Variants in ANKIB1 observed in about 807,000 individuals in gnomAD.
The protein encoded by ANKIB1 is ankyrin repeat and IBR domain containing 1.
In ANKIB1, 43 loss-of-function variants were observed where a neutral mutation model predicts 122.1. That is an observed-to-expected ratio of 0.35 (90% CI 0.28 to 0.45). ANKIB1 has a LOEUF of 0.45. Among genes scored for constraint, ANKIB1 ranks in the 20% least tolerant of loss-of-function variants. The pLI, the probability that ANKIB1 is intolerant of heterozygous loss-of-function variation, is 1.00. For synonymous variants in ANKIB1, 390 were observed against 442.0 expected (o/e 0.88, Z 1.48); for missense variants, 992 against 1,329.5 (o/e 0.75, Z 3.95).
intron 5 of ANKIB1, among the ~76,000 whole-genome samples, chr7:92,333,352 C>T (rs758347586): frequency 2.6e-5 from 4 of 152,172 alleles, no homozygotes; most frequent in Non-Finnish European, 4.4e-5. Flanking sequence ...GCTATAGCTA[C>T]ACTGACCTTT....
intron 4 of ANKIB1, among the ~76,000 whole-genome samples, chr7:92,322,857 A>AGCCAGACTGGG (rs1802942698): frequency 6.6e-6 from 1 of 152,166 alleles, no homozygotes; most frequent in Non-Finnish European, 1.5e-5. Flanking sequence ...CAGATTCTAG[A>AGCCAGACTGGG]GCCAGACTGA....
At chr7:92,378,480 CAAAAAAAA>C (rs146294657) in intron 11 of ANKIB1, among the ~76,000 whole-genome samples, 6 of 80,386 alleles carry the variant, frequency 7.5e-5, no homozygotes, top group Non-Finnish European at 1.5e-4. Flanking sequence ...AGCTATTTGA[CAAAAAAAA>C]AAAAAAAAAT....
intron 1 of ANKIB1, among the ~76,000 whole-genome samples, chr7:92,253,081 A>G (rs1023435917): frequency 6.6e-6 from 1 of 152,180 alleles, no homozygotes; most frequent in African/African-American, 2.4e-5. Context: ...ACTCATGTAC[A>G]TACATAATTA....
chr7:92,341,684 T>TG (rs1803443771), intron 5 of ANKIB1, among the ~76,000 whole-genome samples: 1 of 152,214 alleles, frequency 6.6e-6, no homozygotes, highest in Non-Finnish European at 1.5e-5. Context: ...TCTACCTATG[T>TG]AAAATAATCA....
At chr7:92,287,307 T>G (rs1802151019) in intron 1 of ANKIB1, among the ~76,000 whole-genome samples, 4 of 152,262 alleles carry the variant, frequency 2.6e-5, no homozygotes, top group Admixed American at 2.6e-4. Context: ...TTCATTCTCC[T>G]TAGTCTCCTT....
chr7:92,338,764 T>A (rs1039579742), intron 5 of ANKIB1, among the ~76,000 whole-genome samples: 2 of 148,770 alleles, frequency 1.3e-5, no homozygotes, highest in Non-Finnish European at 3.0e-5. Flanking sequence ...ATACAAAAAT[T>A]AGCTGGGCGT....
chr7:92,360,842 GTCT>G (rs113107513), intron 9 of ANKIB1, among the ~76,000 whole-genome samples: 14,481 of 152,082 alleles, frequency 0.095, 887 homozygotes, highest in East Asian at 0.36. Flanking sequence ...CAGTTGGTGT[GTCT>G]TCTTAACACA....
At chr7:92,264,269 A>T (rs1189905703) in intron 1 of ANKIB1, among the ~76,000 whole-genome samples, 1 of 151,870 alleles carries the variant, frequency 6.6e-6, no homozygotes. Flanking sequence ...AAAATAAGAA[A>T]TTTTACAATT....
intron 9 of ANKIB1, among the ~76,000 whole-genome samples, chr7:92,352,912 T>G (rs987751044): frequency 2.0e-5 from 3 of 152,196 alleles, no homozygotes; most frequent in African/African-American, 7.2e-5. Context: ...ATAAACAAAC[T>G]CAGGCACAGA....
At chr7:92,338,410 C>G (rs949003378) in intron 5 of ANKIB1, among the ~76,000 whole-genome samples, 1 of 144,950 alleles carries the variant, frequency 6.9e-6, no homozygotes, top group Non-Finnish European at 1.5e-5. Context: ...CAGAGCTAGA[C>G]TTTGCCTCAA....
At chr7:92,387,555 G>A (rs1409144555) in intron 12 of ANKIB1, among the ~76,000 whole-genome samples, 1 of 151,746 alleles carries the variant, frequency 6.6e-6, no homozygotes, top group African/African-American at 2.4e-5. Context: ...AAAATCAGTT[G>A]AACCTGGGAG....
chr7:92,299,644 T>C (rs1173594494), intron 2 of ANKIB1, among the ~76,000 whole-genome samples: 2 of 152,238 alleles, frequency 1.3e-5, no homozygotes, highest in African/African-American at 2.4e-5. Flanking sequence ...TCCATTAGAC[T>C]AGACATTAAA....
intron 11 of ANKIB1, among the ~76,000 whole-genome samples, chr7:92,377,842 A>G (rs374910328): frequency 6.6e-6 from 1 of 152,256 alleles, no homozygotes; most frequent in East Asian, 1.9e-4. Context: ...CACACCTTAC[A>G]TTAACACTTA....
chr7:92,336,510 CAT>C (rs1277291636), intron 5 of ANKIB1, among the ~76,000 whole-genome samples: 1 of 152,110 alleles, frequency 6.6e-6, no homozygotes, highest in East Asian at 1.9e-4. Flanking sequence ...AGTTTTTCCA[CAT>C]GTCTAGTAAT....
chr7:92,315,099 C>G lies in ANKIB1; in HGVS notation c.487-4231C>G, dbSNP rs145752626. Among the ~76,000 whole-genome samples, 839 of 152,052 alleles carry G rather than the reference C, an allele frequency of 5.5e-3. 9 individuals carry two copies. Among genetic ancestry groups the G allele is most frequent in the Middle Eastern group, 0.044 (13 of 294 alleles). ...TCTCTTTTTGATTTGTGTACATTCT[C>G]TATACCTGCTATCACATCTATAATT... On this transcript the variant is annotated intron_variant, in intron 3 of 19. Coordinates refer to ENST00000265742, the MANE Select transcript of ANKIB1 (RefSeq NM_019004.2).
At chr7:92,387,536 T>G (rs898201858) in intron 12 of ANKIB1, among the ~76,000 whole-genome samples, 1 of 151,770 alleles carries the variant, frequency 6.6e-6, no homozygotes, top group Admixed American at 6.6e-5. Flanking sequence ...CTCAGGAGGC[T>G]GAGACAGGAA....
chr7:92,321,897 G>A lies in ANKIB1; in HGVS notation c.669+2385G>A, dbSNP rs556733108. Among the ~76,000 whole-genome samples the A allele has an allele frequency of 7.9e-5, 12 of 152,286 alleles. No individual in the cohort carries two copies. The South Asian group carries it at 1.2e-3, about 16-fold the overall frequency. ...AAGACAGAAGGCCTATGCCCTAAGC[G>A]TTTTGCTGGCCCTTCACATGGTTAT... is the stretch of plus-strand genomic sequence containing the variant. On this transcript the variant is annotated intron_variant, in intron 4 of 19. Transcript: ENST00000265742.
chr7:92,321,888 G>T (rs1319173149), intron 4 of ANKIB1, among the ~76,000 whole-genome samples: 2 of 152,184 alleles, frequency 1.3e-5, no homozygotes, highest in Non-Finnish European at 2.9e-5. Flanking sequence ...GAAGGCCTAT[G>T]CCCTAAGCGT....
rs1157529601 is a variant in ANKIB1 at position 92,398,733 on chromosome 7, G to A, written c.3054G>A (p.Leu1018=). 6.2e-7 allele frequency: 1 copy of A among 1,613,442 alleles called. No homozygotes were observed. Among genetic ancestry groups the A allele is most frequent in the Non-Finnish European group, 8.5e-7 (1 of 1,179,614 alleles). ...GTGTGAAGGATGTGGAACTGGTGCTGCCAGAAGATTCAATGTTTGAAGATG... is the reference window on the plus strand; with the variant it reads ...GTGTGAAGGATGTGGAACTGGTGCTACCAGAAGATTCAATGTTTGAAGATG... The part of the protein sequence containing the change: ...SEGVKDVELV[L]PEDSMFEDAS... The change falls in exon 20 of 20, where the codon CTG becomes CTA. Residue 1018 remains leucine (L), a synonymous_variant. Coordinates refer to ENST00000265742, the MANE Select transcript of ANKIB1 (RefSeq NM_019004.2).
Sources: gnomAD v4.1 joint callset for allele counts (sites outside exome capture counted in the v4.1 genomes callset) on GRCh38, gnomAD v4.1.1 for gene constraint, MANE v1.5 for transcripts, NCBI Gene and HGNC (gene_info 2026-07-23, HGNC 2026-07-21) for gene names.